Variants in SGCD observed in about 807,000 individuals in gnomAD.
The protein encoded by SGCD is delta-sarcoglycan.
A neutral mutation model predicts 36.6 loss-of-function variants in SGCD; 18 were observed. The ratio of observed to expected loss-of-function variants is 0.49; its 90% confidence interval spans 0.34 to 0.73. The LOEUF (loss-of-function observed/expected upper bound fraction) is 0.73, where lower values mean the gene tolerates loss of function less well. Ranked by LOEUF, SGCD falls within the 30% of genes least tolerant of loss-of-function variation. The pLI is 0.01. For synonymous variants in SGCD, 133 were observed against 130.6 expected, an observed-to-expected ratio of 1.02 and a Z score of -0.12; for missense variants, 387 against 346.7, an observed-to-expected ratio of 1.12 and a Z score of -0.92.
chr5:156,758,733 G>A (rs1246936040), intron 8 of SGCD, among the ~76,000 whole-genome samples: 1 of 151,438 alleles, frequency 6.6e-6, no homozygotes, highest in Non-Finnish European at 1.5e-5. Flanking sequence ...ATTTTTATAG[G>A]CATGTTTTTC....
At chr5:156,439,656 C>T (rs1753397795) in intron 3 of SGCD, among the ~76,000 whole-genome samples, 1 of 146,466 alleles carries the variant, frequency 6.8e-6, no homozygotes, top group African/African-American at 2.7e-5. Flanking sequence ...TTTTAACCAT[C>T]AGAAAACAGT....
rs146710211 is a variant in SGCD at position 156,102,054 on chromosome 5, G to T, written c.-281-15824G>T. Among the ~76,000 whole-genome samples the T allele has an allele frequency of 2.0e-4, 31 of 151,858 alleles. No individual in the cohort carries two copies. The East Asian group carries it at 5.8e-3, about 28-fold the overall frequency. On this transcript the variant is annotated intron_variant, in intron 1 of 9. Transcript: ENST00000517913. ...ATTTTTACTTCCCTTCATTACACTT[G>T]CAGGTCCATTATTACTAGGACTTTG... is the stretch of plus-strand genomic sequence containing the variant.
intron 1 of SGCD, among the ~76,000 whole-genome samples, chr5:156,084,601 T>G (rs982452733): frequency 3.3e-5 from 5 of 152,138 alleles, no homozygotes; most frequent in Non-Finnish European, 7.4e-5. Flanking sequence ...TTTGTGTGGA[T>G]TCTTTGGGAT....
chr5:155,872,997 G>C (rs1755686112), intron 1 of SGCD, among the ~76,000 whole-genome samples: 1 of 152,192 alleles, frequency 6.6e-6, no homozygotes, highest in Admixed American at 6.5e-5. Flanking sequence ...AGTCTGGGCA[G>C]ATCTCCAAGA....
At chr5:156,679,111 C>G (rs1448752822) in intron 7 of SGCD, among the ~76,000 whole-genome samples, 1 of 152,172 alleles carries the variant, frequency 6.6e-6, no homozygotes. Context: ...TGGATGTCAG[C>G]TGAGATTATC....
At chr5:155,898,857 T>C (rs540758211) in intron 1 of SGCD, among the ~76,000 whole-genome samples, 1 of 152,292 alleles carries the variant, frequency 6.6e-6, no homozygotes, top group South Asian at 2.1e-4. Flanking sequence ...GGAAAGTGAC[T>C]CCTAGATGCT....
At position 156,256,178 on chromosome 5, in the gene SGCD, C is replaced by T. The variant is rs572912989; in HGVS notation, c.-43-73356C>T. On this transcript the variant is annotated intron_variant, in intron 3 of 9. Coordinates refer to the SGCD transcript ENST00000517913. ...AAATTCCAAGAGTCTATATTCTTTT[C>T]TTGTTTCAGAATAAAAACTCTGTTA... Among the ~76,000 whole-genome samples the T allele has an allele frequency of 1.2e-3, 138 of 116,964 alleles. 1 individual carries two copies. Among genetic ancestry groups the T allele is most frequent in the African/African-American group, 4.5e-3 (128 of 28,530 alleles). 76.7% of individuals were successfully genotyped at this position (116,964 alleles called of 152,430 possible). A position where few individuals can be genotyped will look rare whatever the true frequency, so the allele number is the denominator to read the frequency against.
chr5:155,963,087 C>T (rs1211597684), intron 1 of SGCD, among the ~76,000 whole-genome samples: 3 of 152,106 alleles, frequency 2.0e-5, no homozygotes, highest in Non-Finnish European at 4.4e-5. Context: ...TGCTAATATT[C>T]AGGGACAAAG....
intron 1 of SGCD, among the ~76,000 whole-genome samples, chr5:156,112,208 T>A (rs537727069): frequency 6.6e-6 from 1 of 152,326 alleles, no homozygotes; most frequent in East Asian, 1.9e-4. Flanking sequence ...CATTTTTGGA[T>A]TTTTACCAAA....
intron 3 of SGCD, among the ~76,000 whole-genome samples, chr5:156,419,440 T>G (rs900847567): frequency 2.0e-5 from 3 of 152,102 alleles, no homozygotes; most frequent in African/African-American, 7.2e-5. Context: ...GTATGGATCT[T>G]TATTTAGTCC....
intron 1 of SGCD, among the ~76,000 whole-genome samples, chr5:155,940,860 C>G (rs1344420231): frequency 1.4e-5 from 2 of 147,286 alleles, no homozygotes; most frequent in African/African-American, 5.2e-5. Flanking sequence ...AAACAAACAA[C>G]AACAACAACA....
chr5:156,401,213 A>G (rs894674383), intron 3 of SGCD, among the ~76,000 whole-genome samples: 1 of 152,220 alleles, frequency 6.6e-6, no homozygotes, highest in African/African-American at 2.4e-5. Context: ...TAAAGCAGCT[A>G]TGGAAAGGGC....
chr5:156,217,522 C>T (rs1161971059), intron 3 of SGCD, among the ~76,000 whole-genome samples: 1 of 152,090 alleles, frequency 6.6e-6, no homozygotes, highest in Non-Finnish European at 1.5e-5. Context: ...TGTGGGATAA[C>T]ATTGCAACAG....
chr5:156,193,215 C>G (rs1315597809), intron 3 of SGCD, among the ~76,000 whole-genome samples: 1 of 152,054 alleles, frequency 6.6e-6, no homozygotes. Flanking sequence ...TCCTGTGCTT[C>G]CAGATTCTTT....
At chr5:156,643,018 T>G (rs1256170144) in intron 6 of SGCD, among the ~76,000 whole-genome samples, 3 of 119,286 alleles carry the variant, frequency 2.5e-5, no homozygotes, top group South Asian at 2.9e-4. Context: ...TTTTGGGGGG[T>G]TTTTTGTTTT....
intron 1 of SGCD, among the ~76,000 whole-genome samples, chr5:155,886,272 G>A (rs1433682429): frequency 6.6e-6 from 1 of 152,214 alleles, no homozygotes; most frequent in East Asian, 1.9e-4. Flanking sequence ...GAATGAGGAT[G>A]TGGAGCTCCC....
At chr5:156,137,382 C>CTATA (rs1762484616) in intron 3 of SGCD, among the ~76,000 whole-genome samples, 1 of 152,164 alleles carries the variant, frequency 6.6e-6, no homozygotes, top group Admixed American at 6.5e-5. Flanking sequence ...CTCAATTCAA[C>CTATA]TATATACAAT....
At chr5:156,412,766 T>G in intron 3 of SGCD, among the ~76,000 whole-genome samples, 1 of 151,060 alleles carries the variant, frequency 6.6e-6, no homozygotes, top group East Asian at 1.9e-4. Flanking sequence ...AGATGGCAGA[T>G]TGAATCAGGC....
At chr5:156,373,746 C>T (rs979421851) in intron 3 of SGCD, among the ~76,000 whole-genome samples, 1 of 152,178 alleles carries the variant, frequency 6.6e-6, no homozygotes. Flanking sequence ...TATTTTGAAG[C>T]CATTTAAACA....
Sources: gnomAD v4.1 joint callset for allele counts (sites outside exome capture counted in the v4.1 genomes callset) on GRCh38, gnomAD v4.1.1 for gene constraint, MANE v1.5 for transcripts, NCBI Gene and HGNC (gene_info 2026-07-23, HGNC 2026-07-21) for gene names.